CLYBL: variants seen among roughly 807,000 people sequenced by gnomAD.
CLYBL encodes citramalyl-CoA lyase, mitochondrial.
In CLYBL, 31 loss-of-function variants were observed where a neutral mutation model predicts 38.9. The observed-to-expected ratio is 0.80, with a 90% CI of 0.60 to 1.08. The LOEUF (loss-of-function observed/expected upper bound fraction) is 1.08. Among genes scored for constraint, CLYBL ranks in the 50% least tolerant of loss-of-function variants. CLYBL has a pLI of 0.00. For missense variants in CLYBL, 434 were observed against 411.6 expected, an observed-to-expected ratio of 1.05 and a Z score of -0.47; for synonymous variants, 171 against 158.6, an observed-to-expected ratio of 1.08 and a Z score of -0.59.
In CLYBL at chr13:99,621,639, G is replaced by C. The variant is rs568183350; in HGVS notation, c.62+14882G>C. Among the ~76,000 whole-genome samples, 3 of 152,286 alleles carry C rather than the reference G, an allele frequency of 2.0e-5. No individual in the cohort carries two copies. In the South Asian group the frequency reaches 6.2e-4, roughly 32 times the overall value. ...TGTTGTAACAGATTATCGCAAACATGGTGGTTTAAATTAAGCTTGTCCCTG... is the reference window on the plus strand; with the variant it reads ...TGTTGTAACAGATTATCGCAAACATCGTGGTTTAAATTAAGCTTGTCCCTG... On this transcript the variant is annotated intron_variant, in intron 1 of 8. Coordinates refer to ENST00000339105, the MANE Select transcript of CLYBL (RefSeq NM_206808.5).
At chr13:99,800,422 G>A (rs2138936501) in intron 2 of CLYBL, among the ~76,000 whole-genome samples, 1 of 152,292 alleles carries the variant, frequency 6.6e-6, no homozygotes, top group African/African-American at 2.4e-5. Context: ...CCCAACAAAT[G>A]GAGCCAGAAA....
At chr13:99,772,343 T>C (rs576192642) in intron 1 of CLYBL, among the ~76,000 whole-genome samples, 1 of 152,348 alleles carries the variant, frequency 6.6e-6, no homozygotes, top group East Asian at 1.9e-4. Flanking sequence ...AGTTCATTGA[T>C]TATCTCTGCT....
intron 2 of CLYBL, among the ~76,000 whole-genome samples, chr13:99,846,444 GA>G (rs994066246): frequency 7.9e-5 from 12 of 152,084 alleles, no homozygotes; most frequent in Non-Finnish European, 1.5e-4. Flanking sequence ...AATAGTTTGT[GA>G]AAATAATGAT....
intron 1 of CLYBL, among the ~76,000 whole-genome samples, chr13:99,701,552 C>G (rs1157209014): frequency 6.6e-6 from 1 of 152,156 alleles, no homozygotes; most frequent in Non-Finnish European, 1.5e-5. Context: ...ACCTCGTGAT[C>G]TGCCTGCCTC....
intron 2 of CLYBL, among the ~76,000 whole-genome samples, chr13:99,832,223 A>G (rs1261779575): frequency 6.6e-6 from 1 of 152,214 alleles, no homozygotes; most frequent in East Asian, 1.9e-4. Context: ...CCCATTAGGG[A>G]AACACTGAAA....
chr13:99,898,205 C>T (rs1050246495), downstream of CLYBL, among the ~76,000 whole-genome samples: 6 of 152,162 alleles, frequency 3.9e-5, no homozygotes, highest in African/African-American at 1.2e-4. Context: ...TGGCTGGGTT[C>T]TGTTTTGTTT....
chr13:99,851,950 A>G (rs1271335267), intron 2 of CLYBL, among the ~76,000 whole-genome samples: 2 of 152,234 alleles, frequency 1.3e-5, no homozygotes, highest in Non-Finnish European at 2.9e-5. Context: ...CCAGGTGTCC[A>G]TTAACTAACA....
At chr13:99,845,629 G>A (rs1392961410) in intron 2 of CLYBL, among the ~76,000 whole-genome samples, 1 of 152,120 alleles carries the variant, frequency 6.6e-6, no homozygotes, top group Admixed American at 6.5e-5. Context: ...AGCTCCCAGT[G>A]TTTGTGAGCT....
At chr13:99,612,544 T>G (rs972728906) in intron 1 of CLYBL, among the ~76,000 whole-genome samples, 23 of 152,000 alleles carry the variant, frequency 1.5e-4, no homozygotes, top group African/African-American at 4.8e-4. Flanking sequence ...TTAGCCACCA[T>G]GTCTGGCTAA....
chr13:99,825,243 G>C (rs1473271805), intron 2 of CLYBL, among the ~76,000 whole-genome samples: 1 of 152,184 alleles, frequency 6.6e-6, no homozygotes, highest in African/African-American at 2.4e-5. Flanking sequence ...ATCCTTGCTT[G>C]GCCCTCGGAT....
chr13:99,640,181 T>A (rs1206761241), intron 1 of CLYBL, among the ~76,000 whole-genome samples: 2 of 152,184 alleles, frequency 1.3e-5, no homozygotes, highest in African/African-American at 4.8e-5. Context: ...CTCAAAATAA[T>A]TGTTTCTTTT....
In CLYBL at chr13:99,845,311, A is replaced by G. The variant is rs77826585; in HGVS notation, c.250-13550A>G. 5.0e-3 allele frequency among the ~76,000 whole-genome samples: 764 copies of G among 152,326 alleles called. 43 individuals carry two copies. In the East Asian group the frequency reaches 0.11, roughly 23 times the overall value. ...TTTGCCACTGGGACCAAGGCCTCTG[A>G]CTCAGAAGCCAAAACATGGCAGTGT... On this transcript the variant is annotated intron_variant, in intron 2 of 8. Coordinates refer to ENST00000339105, the MANE Select transcript of CLYBL (RefSeq NM_206808.5).
chr13:99,904,701 G>A (rs929193870), intron 8 of CLYBL, among the ~76,000 whole-genome samples: 11 of 152,132 alleles, frequency 7.2e-5, no homozygotes, highest in Non-Finnish European at 1.2e-4. Flanking sequence ...TATACTTAAA[G>A]CATATAAGTA....
At chr13:99,730,844 A>G (rs1188393475) in intron 1 of CLYBL, among the ~76,000 whole-genome samples, 1 of 152,062 alleles carries the variant, frequency 6.6e-6, no homozygotes, top group Non-Finnish European at 1.5e-5. Context: ...GCACTTTGGG[A>G]GGCCGAGGCA....
In CLYBL at chr13:99,831,290, T is replaced by G. The variant is rs145341228; in HGVS notation, c.250-27571T>G. ...ATTTGTTATGGTGGCCCTAAGAAAC[T>G]AATACACCTCAGATATATTATCATT... On this transcript the variant is annotated intron_variant, in intron 2 of 8. Coordinates refer to ENST00000339105, the MANE Select transcript of CLYBL (RefSeq NM_206808.5). 2.3e-3 allele frequency among the ~76,000 whole-genome samples: 355 copies of G among 152,370 alleles called. 2 individuals carry two copies. Among genetic ancestry groups the G allele is most frequent in the African/African-American group, 8.2e-3 (342 of 41,582 alleles).
rs371548861 is a variant in CLYBL at position 99,871,172 on chromosome 13, AG to A, written c.927+116del. On this transcript the variant is annotated intron_variant, in intron 7 of 8. Transcript: ENST00000339105. ...TTAAGAAAACTCATCGTATCTGGAGAGGGGGGAAAGGGAGGGAACACAACAT... is the reference window on the plus strand; with the variant it reads ...TTAAGAAAACTCATCGTATCTGGAGAGGGGGAAAGGGAGGGAACACAACAT... The A allele has an allele frequency of 5.1e-3, 6,380 of 1,239,282 alleles. 38 individuals carry two copies. The highest frequency in any genetic ancestry group is 0.031 in the Middle Eastern group (118 of 3,818). 76.8% of individuals were successfully genotyped at this position (1,239,282 alleles called of 1,614,324 possible). A position where few individuals can be genotyped will look rare whatever the true frequency, so the allele number is the denominator to read the frequency against.
chr13:99,797,549 A>T (rs369454451), intron 2 of CLYBL, among the ~76,000 whole-genome samples: 11 of 53,348 alleles, frequency 2.1e-4, no homozygotes, highest in African/African-American at 1.4e-3. Flanking sequence ...TGTGTCTGCC[A>T]TGTTAGCTGT....
At chr13:99,679,860 C>G (rs2139393235) in intron 1 of CLYBL, among the ~76,000 whole-genome samples, 1 of 152,098 alleles carries the variant, frequency 6.6e-6, no homozygotes, top group South Asian at 2.1e-4. Flanking sequence ...AAACGTCATT[C>G]AAAGGAAATG....
At chr13:99,772,505 T>TG (rs2049416975) in intron 1 of CLYBL, among the ~76,000 whole-genome samples, 1 of 152,082 alleles carries the variant, frequency 6.6e-6, no homozygotes, top group Admixed American at 6.5e-5. Context: ...AAGACCAGCC[T>TG]GGGCAACATG....
Sources: allele counts gnomAD v4.1 joint callset (sites outside exome capture counted in the v4.1 genomes callset), GRCh38; gene constraint gnomAD v4.1.1; transcripts MANE v1.5; gene names NCBI Gene and HGNC (gene_info 2026-07-23, HGNC 2026-07-21).